The following MAPRE2 variants were observed in gnomAD, a reference collection of about 807,000 sequenced individuals.
The protein encoded by MAPRE2 is microtubule associated protein RP/EB family member 2, also known as microtubule-associated protein RP/EB family member 2.
In MAPRE2, 13 loss-of-function variants were observed where a neutral mutation model predicts 43.2. That is an observed-to-expected ratio of 0.30 (90% CI 0.20 to 0.48). The LOEUF (loss-of-function observed/expected upper bound fraction) is 0.48. MAPRE2 is among the 20% of genes least tolerant of loss of function. The probability of loss-of-function intolerance (pLI) is 0.99; values close to 1 mark genes in which losing one functional copy is unlikely to be tolerated. For missense variants in MAPRE2, 161 were observed against 400.2 expected (o/e 0.40, Z 5.10); for synonymous variants, 135 against 148.8 (o/e 0.91, Z 0.68).
At chr18:35,112,629 A>G (rs1041588326) in intron 4 of MAPRE2, among the ~76,000 whole-genome samples, 1 of 152,228 alleles carries the variant, frequency 6.6e-6, no homozygotes, top group African/African-American at 2.4e-5. Flanking sequence ...AAATATTCTA[A>G]TGGCCCAACT....
chr18:35,129,660 C>T (rs1910059578), intron 5 of MAPRE2, among the ~76,000 whole-genome samples: 1 of 152,168 alleles, frequency 6.6e-6, no homozygotes, highest in African/African-American at 2.4e-5. Context: ...GGTCTTCGCT[C>T]GGAGCGCGGG....
At position 35,143,085 on chromosome 18, in the gene MAPRE2, A is replaced by AG. The variant is rs1156970632; in HGVS notation, c.*2716_*2717insG. On this transcript the variant is annotated 3_prime_UTR_variant, in exon 7 of 7. Transcript: ENST00000300249. ...CAGAAAAGCAGGAAAAAAAAAAAAAAAAAAGAAAGAAAAACACCTGTTGAC... is the reference window on the plus strand; with the variant it reads ...CAGAAAAGCAGGAAAAAAAAAAAAAAGAAAAGAAAGAAAAACACCTGTTGAC... The AG allele has an allele frequency of 2.0e-5, 3 of 151,548 alleles. No individual in the cohort carries two copies. Among genetic ancestry groups the AG allele is most frequent in the South Asian group, 2.1e-4 (1 of 4,794 alleles). The allele number at this position is 151,548 out of a possible 1,614,324, so 9.4% of individuals were successfully genotyped here.
At chr18:35,014,883 C>A (rs970183527) in intron 2 of MAPRE2, among the ~76,000 whole-genome samples, 1 of 152,116 alleles carries the variant, frequency 6.6e-6, no homozygotes, top group Non-Finnish European at 1.5e-5. Context: ...AAATCCATGG[C>A]ATTGCCATAG....
At chr18:34,985,481 A>ATATAT (rs2097019905) in intron 1 of MAPRE2, among the ~76,000 whole-genome samples, 1 of 53,158 alleles carries the variant, frequency 1.9e-5, no homozygotes, top group East Asian at 6.8e-4. Context: ...AATATATAAT[A>ATATAT]TATATATTGT....
chr18:35,005,737 C>G (rs1212022459), intron 2 of MAPRE2, among the ~76,000 whole-genome samples: 1 of 151,982 alleles, frequency 6.6e-6, no homozygotes, highest in East Asian at 1.9e-4. Flanking sequence ...CCCAAGTGTA[C>G]GAAGGGCTAA....
At chr18:35,049,314 C>G (rs973273663) in intron 1 of MAPRE2, among the ~76,000 whole-genome samples, 1 of 152,182 alleles carries the variant, frequency 6.6e-6, no homozygotes, top group Admixed American at 6.5e-5. Flanking sequence ...CTCCTTCCCC[C>G]ACTCCCTCAC....
chr18:35,091,062 A>G (rs547508355), intron 2 of MAPRE2, among the ~76,000 whole-genome samples: 1 of 152,360 alleles, frequency 6.6e-6, no homozygotes, highest in East Asian at 1.9e-4. Flanking sequence ...GAAATTGAAG[A>G]GGACATAAAT....
intron 2 of MAPRE2, among the ~76,000 whole-genome samples, chr18:35,012,821 G>T (rs1332758365): frequency 6.6e-6 from 1 of 152,156 alleles, no homozygotes; most frequent in African/African-American, 2.4e-5. Flanking sequence ...GAGAAGGATG[G>T]TGGTGATGGT....
At chr18:35,010,853 A>G (rs1364294945) in intron 2 of MAPRE2, among the ~76,000 whole-genome samples, 1 of 152,154 alleles carries the variant, frequency 6.6e-6, no homozygotes, top group African/African-American at 2.4e-5. Flanking sequence ...AAATATAGAG[A>G]GGTAGATGGT....
chr18:35,052,483 T>C (rs1905994784), intron 1 of MAPRE2, among the ~76,000 whole-genome samples: 1 of 152,248 alleles, frequency 6.6e-6, no homozygotes, highest in South Asian at 2.1e-4. Flanking sequence ...TGAACATTTA[T>C]GTTTCCAGTT....
intron 1 of MAPRE2, among the ~76,000 whole-genome samples, chr18:34,985,037 AAT>A (rs2097018702): frequency 2.0e-5 from 1 of 48,876 alleles, no homozygotes; most frequent in Non-Finnish European, 3.6e-5. Context: ...TAAAATATAT[AAT>A]ATATAAAATA....
chr18:35,007,901 CA>C (rs1568969751), intron 2 of MAPRE2, among the ~76,000 whole-genome samples: 1 of 151,948 alleles, frequency 6.6e-6, no homozygotes, highest in Non-Finnish European at 1.5e-5. Context: ...ACTGAAAATA[CA>C]GTATTCATCG....
chr18:35,003,064 G>A lies in MAPRE2; in HGVS notation c.-69-2428G>A, dbSNP rs118042733. Among the ~76,000 whole-genome samples the A allele has an allele frequency of 8.4e-3, 1,273 of 152,186 alleles. 12 individuals are homozygous for A. The highest frequency in any genetic ancestry group is 0.019 in the South Asian group (90 of 4,824). On this transcript the variant is annotated intron_variant, in intron 1 of 7. Coordinates refer to the MAPRE2 transcript ENST00000413393. Reference sequence around the variant, plus strand: ...TTATGCCATGATCCATTTTGAGTTCGTTTTTACGTAAAGTGTGAGACTTGC... The same window carrying A: ...TTATGCCATGATCCATTTTGAGTTCATTTTTACGTAAAGTGTGAGACTTGC...
At chr18:34,990,016 C>T (rs1032521201) in intron 1 of MAPRE2, among the ~76,000 whole-genome samples, 2 of 152,176 alleles carry the variant, frequency 1.3e-5, no homozygotes, top group Non-Finnish European at 2.9e-5. Flanking sequence ...TTGCAATAAA[C>T]TTTCATTCAT....
chr18:35,020,944 A>G (rs183677236), intron 2 of MAPRE2, among the ~76,000 whole-genome samples: 1 of 152,192 alleles, frequency 6.6e-6, no homozygotes, highest in Non-Finnish European at 1.5e-5. Flanking sequence ...AACTCAATAC[A>G]TATTTTTAAC....
At chr18:35,122,559 T>G (rs759280624) in intron 4 of MAPRE2, among the ~76,000 whole-genome samples, 1 of 152,238 alleles carries the variant, frequency 6.6e-6, no homozygotes, top group African/African-American at 2.4e-5. Flanking sequence ...CCTAAGTGAT[T>G]GATTATTAAA....
chr18:35,059,792 T>C (rs1318017300), intron 1 of MAPRE2, among the ~76,000 whole-genome samples: 1 of 152,132 alleles, frequency 6.6e-6, no homozygotes, highest in African/African-American at 2.4e-5. Context: ...TGCTCTTCCG[T>C]GGCATGAGGT....
rs913297722 is a variant in MAPRE2 at position 35,141,088 on chromosome 18, T to G, written c.*719T>G. 1 of 152,278 alleles carries G rather than the reference T, an allele frequency of 6.6e-6. No homozygotes were observed. Among genetic ancestry groups the G allele is most frequent in the East Asian group, 1.9e-4 (1 of 5,204 alleles). 9.4% of individuals were successfully genotyped at this position (152,278 alleles called of 1,614,324 possible). Reference sequence around the variant, plus strand: ...AAAACACCATCTCAACTTTGCCCGCTCACCATGTCCCTTGCCCCCATGTAG... The same window carrying G: ...AAAACACCATCTCAACTTTGCCCGCGCACCATGTCCCTTGCCCCCATGTAG... On this transcript the variant is annotated 3_prime_UTR_variant, in exon 7 of 7. Coordinates refer to ENST00000300249, the MANE Select transcript of MAPRE2 (RefSeq NM_014268.4).
At chr18:35,024,534 G>A (rs1041602043) in intron 2 of MAPRE2, among the ~76,000 whole-genome samples, 2 of 151,948 alleles carry the variant, frequency 1.3e-5, no homozygotes. Flanking sequence ...CTTTTATTCA[G>A]TAAATGAAGA....
Sources: gnomAD v4.1 joint callset for allele counts (sites outside exome capture counted in the v4.1 genomes callset) on GRCh38, gnomAD v4.1.1 for gene constraint, MANE v1.5 for transcripts, NCBI Gene and HGNC (gene_info 2026-07-23, HGNC 2026-07-21) for gene names.